The following CD109 variants were observed in gnomAD, a reference collection of about 807,000 sequenced individuals.
The protein encoded by CD109 is CD109 molecule.
Under a neutral mutation model 165.8 loss-of-function variants are expected in CD109, and 149 were observed. That is an observed-to-expected ratio of 0.90 (90% CI 0.79 to 1.03). The LOEUF is 1.03. Among genes scored for constraint, CD109 ranks in the 50% least tolerant of loss-of-function variants. CD109 has a pLI of 0.00. For synonymous variants in CD109, 585 were observed against 592.1 expected (o/e 0.99, Z 0.18); for missense variants, 1,712 against 1,677.8 (o/e 1.02, Z -0.36).
intron 5 of CD109, among the ~76,000 whole-genome samples, chr6:73,745,849 C>T (rs1322528706): frequency 2.0e-5 from 3 of 152,210 alleles, no homozygotes; most frequent in Non-Finnish European, 2.9e-5. Flanking sequence ...CTGCCTCAGC[C>T]TCCCGAGTAA....
At chr6:73,742,347 C>T (rs991405016) in intron 5 of CD109, among the ~76,000 whole-genome samples, 2 of 152,178 alleles carry the variant, frequency 1.3e-5, no homozygotes, top group Non-Finnish European at 2.9e-5. Context: ...AATTTTCTCT[C>T]TTTTAAAGGC....
intron 5 of CD109, among the ~76,000 whole-genome samples, chr6:73,756,159 T>C (rs1234029755): frequency 6.6e-6 from 1 of 152,214 alleles, no homozygotes. Context: ...GTGAGGCATG[T>C]TGTTCTATGA....
In CD109 at chr6:73,799,848, T is replaced by TCC. The variant is rs59544914; in HGVS notation, c.2879-3367_2879-3366dup. Among the ~76,000 whole-genome samples, 193 of 146,568 alleles carry TCC rather than the reference T, an allele frequency of 1.3e-3. 1 individual carries two copies. The highest frequency in any genetic ancestry group is 7.0e-3 in the Middle Eastern group (2 of 284). On this transcript the variant is annotated intron_variant, in intron 23 of 32. Coordinates refer to ENST00000287097, the MANE Select transcript of CD109 (RefSeq NM_133493.5). ...ATGTATACATATATGTTTTCTCATT[T>TCC]CCCCCCGCAATTTTTTTTTTTTTTT... is the stretch of plus-strand genomic sequence containing the variant.
At chr6:73,780,357 T>G in intron 15 of CD109, 67 bp from the exon 16 acceptor site, 1 of 934,370 alleles carries the variant, frequency 1.1e-6, no homozygotes, top group South Asian at 1.3e-5. Flanking sequence ...CTTATCTAAG[T>G]TACTTGGAAG....
chr6:73,736,836 G>A (rs1433959345), intron 5 of CD109, among the ~76,000 whole-genome samples: 1 of 152,084 alleles, frequency 6.6e-6, no homozygotes, highest in South Asian at 2.1e-4. Flanking sequence ...CTATTATTTG[G>A]CAAATTTTAT....
rs562881739 is a variant in CD109, at chr6:73,723,348, T to C, written c.276+69T>C. 4.5e-5 allele frequency: 52 copies of C among 1,165,474 alleles called. 1 individual carries two copies. In the South Asian group the frequency reaches 5.8e-4, roughly 13 times the overall value. 72.2% of individuals were successfully genotyped at this position (1,165,474 alleles called of 1,614,324 possible). ...TCAGTGAACTAAATAAATTAATATT[T>C]TATTGGATTTTATGTCAATTCACAC... On this transcript the variant is annotated intron_variant, in intron 3 of 32. Coordinates refer to ENST00000287097, the MANE Select transcript of CD109 (RefSeq NM_133493.5).
rs1776312963 is a variant in CD109, at chr6:73,827,470, A to G, written c.*3837A>G. 6.6e-6 allele frequency: 1 copy of G among 152,168 alleles called. No homozygotes were observed. Among genetic ancestry groups the G allele is most frequent in the Admixed American group, 6.5e-5 (1 of 15,268 alleles). 9.4% of individuals were successfully genotyped at this position (152,168 alleles called of 1,614,324 possible). A position where few individuals can be genotyped will look rare whatever the true frequency, so the allele number is the denominator to read the frequency against. ...TAGAATTTTTCTATCATCTATGCAA[A>G]TGATATTTATGTTAATATTAAATAT... On this transcript the variant is annotated 3_prime_UTR_variant, in exon 33 of 33. Coordinates refer to ENST00000287097, the MANE Select transcript of CD109 (RefSeq NM_133493.5).
Position 73,820,333 on chromosome 6 carries a change from C to A in CD109, c.4060-128C>A, listed in dbSNP as rs1405240456. ...TCATAGGAAGTACTTACTGCAGTAT[C>A]TGACATGTAGAAATCCTCCCTAAGT... is the stretch of plus-strand genomic sequence containing the variant. On this transcript the variant is annotated intron_variant, in intron 31 of 32. Transcript: ENST00000287097. The A allele has an allele frequency of 8.8e-6, 5 of 566,398 alleles. No individual in the cohort carries two copies. In the South Asian group the frequency reaches 9.9e-5, roughly 11 times the overall value. 35.1% of individuals were successfully genotyped at this position (566,398 alleles called of 1,614,324 possible). A position where few individuals can be genotyped will look rare whatever the true frequency, so the allele number is the denominator to read the frequency against.
intron 22 of CD109, among the ~76,000 whole-genome samples, chr6:73,790,099 C>CTTTTTTTTTTTTT (rs56024477): frequency 7.7e-6 from 1 of 130,056 alleles, no homozygotes; most frequent in African/African-American, 3.0e-5. Context: ...GCTAAAAGTC[C>CTTTTTTTTTTTTT]TTTTTTTTTT....
chr6:73,689,745 A>G, the CD109 span, among the ~76,000 whole-genome samples: 5 of 152,234 alleles, frequency 3.3e-5, no homozygotes, highest in East Asian at 9.6e-4. Context: ...CACCATTTAC[A>G]TTGTTTTGTA....
At chr6:73,762,984 C>A in intron 9 of CD109, 102 bp downstream of exon 9, 1 of 1,006,610 alleles carries the variant, frequency 9.9e-7, no homozygotes, top group Non-Finnish European at 1.4e-6. Flanking sequence ...CATTGACTTT[C>A]TAAAGATGCT....
intron 32 of CD109, among the ~76,000 whole-genome samples, chr6:73,822,319 A>G (rs1396769006): frequency 6.6e-6 from 1 of 152,218 alleles, no homozygotes. Context: ...TGTGTTAGGT[A>G]GTTGTAGATA....
chr6:73,823,292 A>G (rs764330774), intron 32 of CD109, among the ~76,000 whole-genome samples, 166 bp from the exon 33 acceptor site: 1 of 152,212 alleles, frequency 6.6e-6, no homozygotes, highest in Non-Finnish European at 1.5e-5. Flanking sequence ...TTTGGTTAGT[A>G]CTTTGGACCA....
intron 4 of CD109, among the ~76,000 whole-genome samples, chr6:73,731,978 C>A (rs2150181671): frequency 6.6e-6 from 1 of 152,306 alleles, no homozygotes; most frequent in Non-Finnish European, 1.5e-5. Context: ...CTGTGGTTAG[C>A]ACACTGAGTG....
At chr6:73,684,326 C>CCTCCCACTTCAAT in the CD109 span, among the ~76,000 whole-genome samples, 1 of 149,914 alleles carries the variant, frequency 6.7e-6, no homozygotes, top group Non-Finnish European at 1.5e-5. Context: ...CTCAGATGAT[C>CCTCCCACTTCAAT]CTCCCACTTC....
intron 2 of CD109, among the ~76,000 whole-genome samples, chr6:73,700,127 G>A (rs1044496288): frequency 6.6e-6 from 1 of 152,194 alleles, no homozygotes; most frequent in Non-Finnish European, 1.5e-5. Context: ...TGTTGCCCAG[G>A]CCAGAGTGCA....
At chr6:73,772,577 G>A (rs1002740945) in intron 15 of CD109, among the ~76,000 whole-genome samples, 1 of 150,622 alleles carries the variant, frequency 6.6e-6, no homozygotes, top group African/African-American at 2.4e-5. Flanking sequence ...TTGAGGGGGT[G>A]AAATCATGTT....
intron 24 of CD109, 26 bp downstream of exon 24, chr6:73,803,327 A>T (rs1775442578): frequency 6.4e-7 from 1 of 1,568,894 alleles, no homozygotes; most frequent in African/African-American, 1.4e-5. Context: ...AACTGAACAA[A>T]TCCGTGTCAT....
intron 23 of CD109, among the ~76,000 whole-genome samples, chr6:73,793,814 TCCCGTC>T (rs1252887263): frequency 4.6e-5 from 7 of 152,206 alleles, no homozygotes; most frequent in East Asian, 3.8e-4. Context: ...GTATGATATA[TCCCGTC>T]CATCAAATTC....
Sources: allele counts gnomAD v4.1 joint callset (sites outside exome capture counted in the v4.1 genomes callset), GRCh38; gene constraint gnomAD v4.1.1; transcripts MANE v1.5; gene names NCBI Gene and HGNC (gene_info 2026-07-23, HGNC 2026-07-21).